The following DHX29 variants were observed in gnomAD, a reference collection of about 807,000 sequenced individuals.
DHX29 encodes the protein ATP-dependent RNA helicase DHX29.
A neutral mutation model predicts 167.9 loss-of-function variants in DHX29; 79 were observed. The ratio of observed to expected loss-of-function variants is 0.47; its 90% CI spans 0.39 to 0.57. The LOEUF (loss-of-function observed/expected upper bound fraction) is 0.57, where lower values mean the gene tolerates loss of function less well. Ranked by LOEUF, DHX29 falls within the 20% of genes least tolerant of loss-of-function variation. DHX29 has a pLI of 0.00. For missense variants in DHX29, 1,347 were observed against 1,593.4 expected (o/e 0.85, Z 2.63); for synonymous variants, 530 against 546.0 (o/e 0.97, Z 0.41).
At position 55,256,567 on chromosome 5, in the gene DHX29, C is replaced by T. The variant is rs369793243; in HGVS notation, c.4058-27G>A. On this transcript the variant is annotated intron_variant, in intron 26 of 26. Transcript: ENST00000251636. ...TGAGTGGAAGGAAAAAAAAAAGCCACGAATAAATGCAACATTGTCTAATTT... is the reference window on the plus strand; with the variant it reads ...TGAGTGGAAGGAAAAAAAAAAGCCATGAATAAATGCAACATTGTCTAATTT... 107 of 1,567,782 alleles carry T rather than the reference C, an allele frequency of 6.8e-5. No individual in the cohort carries two copies. The African/African-American group carries it at 1.2e-3, about 17-fold the overall frequency.
chr5:55,273,695 T>C (rs1027194112), intron 16 of DHX29, among the ~76,000 whole-genome samples: 2 of 152,216 alleles, frequency 1.3e-5, no homozygotes, highest in African/African-American at 4.8e-5. Flanking sequence ...ATATGGATGA[T>C]AAACTGCAGC....
Position 55,297,359 on chromosome 5 carries a change from C to G in DHX29, c.301G>C (p.Val101Leu). Residue 101 changes from valine to leucine, a missense_variant, in exon 3 of 27, where the codon GTG (valine) becomes CTG (leucine). Val to Leu is a conservative substitution (Grantham distance 32). Transcript: ENST00000251636. ...TTTTGCTTTTTATGCTCATTGATCA[C>G]TCCAATAATTCTTTGCTCTAGTTTG... is the stretch of plus-strand genomic sequence containing the variant. Reference protein sequence around the residue: ...NNKLEQRIIGVINEHKKQNND... With the variant: ...NNKLEQRIIGLINEHKKQNND... 1 of 1,580,410 alleles carries G rather than the reference C, an allele frequency of 6.3e-7. No individual in the cohort carries two copies. Among genetic ancestry groups the G allele is most frequent in the Non-Finnish European group, 8.7e-7 (1 of 1,150,966 alleles).
At position 55,307,630 on chromosome 5, in the gene DHX29, A is replaced by G. The variant is rs893706464; in HGVS notation, c.-57T>C. 44 of 1,588,908 alleles carry G rather than the reference A, an allele frequency of 2.8e-5. No homozygotes were observed. Among genetic ancestry groups the G allele is most frequent in the Middle Eastern group, 2.2e-4 (1 of 4,562 alleles). On this transcript the variant is annotated 5_prime_UTR_variant, in exon 1 of 27. Coordinates refer to ENST00000251636, the MANE Select transcript of DHX29 (RefSeq NM_019030.4). ...CCAGGCCCCGACGGTACCACTGCACAGCCGAGAGCTCTTCACATTCCCCGG... is the reference window on the plus strand; with the variant it reads ...CCAGGCCCCGACGGTACCACTGCACGGCCGAGAGCTCTTCACATTCCCCGG...
chr5:55,258,406 C>A (rs145834693), intron 26 of DHX29, among the ~76,000 whole-genome samples: 2 of 152,000 alleles, frequency 1.3e-5, no homozygotes, highest in African/African-American at 4.8e-5. Flanking sequence ...AATGGGATAG[C>A]CTTAGAGGGG....
chr5:55,298,232 T>C (rs1214836111), intron 2 of DHX29, among the ~76,000 whole-genome samples: 2 of 151,978 alleles, frequency 1.3e-5, no homozygotes, highest in African/African-American at 4.8e-5. Context: ...AAGCTAGAAG[T>C]TGTAAAATCA....
At chr5:55,290,639 G>A (rs1482103580) in intron 6 of DHX29, among the ~76,000 whole-genome samples, 3 of 152,174 alleles carry the variant, frequency 2.0e-5, no homozygotes, top group Non-Finnish European at 4.4e-5. Flanking sequence ...AAAAGAAAGA[G>A]GGTGACCCAC....
chr5:55,291,617 T>C (rs1301947774), intron 6 of DHX29, among the ~76,000 whole-genome samples: 2 of 152,200 alleles, frequency 1.3e-5, no homozygotes, highest in South Asian at 2.1e-4. Context: ...CCACCATCCA[T>C]TTCCAGAACG....
chr5:55,275,013 A>G lies in DHX29; in HGVS notation c.2428-3T>C. The G allele has an allele frequency of 6.2e-7, 1 of 1,608,104 alleles. No homozygotes were observed. On this transcript the variant is annotated splice_polypyrimidine_tract_variant and splice_region_variant and intron_variant, in intron 14 of 26. Transcript: ENST00000251636. Reference sequence around the variant, plus strand: ...CCAGTCTGAACTGGGATGTATTCCTAAAAGAAATCCAACCAGAGGGAGGTG... The same window carrying G: ...CCAGTCTGAACTGGGATGTATTCCTGAAAGAAATCCAACCAGAGGGAGGTG...
chr5:55,266,868 G>GC (rs1271112079), intron 23 of DHX29, among the ~76,000 whole-genome samples: 3 of 152,078 alleles, frequency 2.0e-5, no homozygotes, highest in African/African-American at 7.2e-5. Context: ...TACTGCTTCA[G>GC]CCTCCCAAAG....
At chr5:55,299,036 CAAAAAAAA>C (rs35986300) in intron 1 of DHX29, among the ~76,000 whole-genome samples, 23 of 76,160 alleles carry the variant, frequency 3.0e-4, no homozygotes, top group Non-Finnish European at 4.0e-4. Context: ...GACTCCGTCT[CAAAAAAAA>C]AAAAAAAAAA....
intron 16 of DHX29, 117 bp from the exon 17 acceptor site, chr5:55,273,494 T>G (rs982871723): frequency 8.0e-7 from 1 of 1,247,984 alleles, no homozygotes; most frequent in Admixed American, 3.3e-5. Flanking sequence ...ATGAAAAAAT[T>G]TAAACATACA....
At chr5:55,263,240 TTTTTCTCTGGAGA>T (rs1746395301) in intron 23 of DHX29, among the ~76,000 whole-genome samples, 1 of 152,154 alleles carries the variant, frequency 6.6e-6, no homozygotes, top group Admixed American at 6.6e-5. Context: ...GTAGCTCTCC[TTTTTCTCTGGAGA>T]TTTTTACTCA....
At chr5:55,259,377 C>T (rs567545425) in intron 26 of DHX29, among the ~76,000 whole-genome samples, 13 of 152,152 alleles carry the variant, frequency 8.5e-5, no homozygotes, top group African/African-American at 2.9e-4. Context: ...GGATTTTTTA[C>T]GACTTCAGTG....
intron 21 of DHX29, 87 bp downstream of exon 21, chr5:55,269,326 A>C: frequency 7.5e-7 from 1 of 1,338,212 alleles, no homozygotes; most frequent in South Asian, 1.4e-5. Flanking sequence ...AGTTAAAAAA[A>C]TTTTTACTTA....
intron 10 of DHX29, among the ~76,000 whole-genome samples, chr5:55,284,866 A>G (rs1747633191): frequency 6.6e-6 from 1 of 152,038 alleles, no homozygotes; most frequent in South Asian, 2.1e-4. Flanking sequence ...CTGTCTCTAT[A>G]CAACTTTTTT....
Position 55,281,582 on chromosome 5 carries a change from T to A in DHX29, c.1966-67A>T. The stretch of plus-strand genomic sequence containing the variant: ...AATATGGGAAACAAGCTTTAAAAAG[T>A]GAAGCAGAGGTGCTGATCTTGCTGT... On this transcript the variant is annotated intron_variant, in intron 11 of 26. Transcript: ENST00000251636. The A allele has an allele frequency of 3.1e-6, 4 of 1,270,624 alleles. No homozygotes were observed. The Admixed American group carries it at 1.0e-4, about 33-fold the overall frequency. 78.7% of individuals were successfully genotyped at this position (1,270,624 alleles called of 1,614,324 possible). A position where few individuals can be genotyped will look rare whatever the true frequency, so the allele number is the denominator to read the frequency against.
intron 12 of DHX29, chr5:55,279,728 TGCTG>T (rs1306033850): frequency 1.9e-5 from 3 of 154,268 alleles, no homozygotes; most frequent in African/African-American, 7.7e-5. Flanking sequence ...TGTTTTGTTT[TGCTG>T]TTTTTGTTTT....
intron 3 of DHX29, 24 bp downstream of exon 3, chr5:55,297,261 A>G: frequency 9.0e-7 from 1 of 1,109,314 alleles, no homozygotes; most frequent in Non-Finnish European, 1.4e-6. Context: ...AAAACTAAGG[A>G]ACTTTAAAAA....
chr5:55,291,292 G>C (rs970458896), intron 6 of DHX29, among the ~76,000 whole-genome samples: 7 of 152,120 alleles, frequency 4.6e-5, no homozygotes. Flanking sequence ...ACTGCAGAAG[G>C]AAACACAACT....
Sources: gnomAD v4.1 joint callset for allele counts (sites outside exome capture counted in the v4.1 genomes callset) on GRCh38, gnomAD v4.1.1 for gene constraint, MANE v1.5 for transcripts, NCBI Gene and HGNC (gene_info 2026-07-23, HGNC 2026-07-21) for gene names.